Variants in ANTXR2 observed in about 807,000 individuals in gnomAD.
The protein encoded by ANTXR2 is ANTXR cell adhesion molecule 2.
In ANTXR2, 44 loss-of-function variants were observed where a neutral mutation model predicts 73.7. The observed-to-expected ratio is 0.60, with a 90% CI of 0.47 to 0.77. The LOEUF is 0.77. ANTXR2 is among the 30% of genes least tolerant of loss of function. The pLI, the probability that ANTXR2 is intolerant of heterozygous loss-of-function variation, is 0.00. For missense variants in ANTXR2, 604 were observed against 592.5 expected, an observed-to-expected ratio of 1.02 and a Z score of -0.20; for synonymous variants, 217 against 205.9, an observed-to-expected ratio of 1.05 and a Z score of -0.46.
chr4:79,992,707 T>A (rs1024474977), intron 12 of ANTXR2, among the ~76,000 whole-genome samples: 2 of 152,088 alleles, frequency 1.3e-5, no homozygotes, highest in Non-Finnish European at 2.9e-5. Flanking sequence ...TGAACTTGCA[T>A]GTCCAAAACA....
intron 16 of ANTXR2, among the ~76,000 whole-genome samples, chr4:79,957,459 C>G (rs1728933323): frequency 6.6e-6 from 1 of 151,972 alleles, no homozygotes; most frequent in South Asian, 2.1e-4. Context: ...ATCTCAAAGC[C>G]AAATTTGTGA....
chr4:80,064,117 T>C (rs1299949322), intron 3 of ANTXR2, among the ~76,000 whole-genome samples: 1 of 152,206 alleles, frequency 6.6e-6, no homozygotes, highest in Non-Finnish European at 1.5e-5. Flanking sequence ...TAGAAATGTG[T>C]ATATTGTCCA....
intron 16 of ANTXR2, among the ~76,000 whole-genome samples, chr4:79,936,125 T>G (rs867572613): frequency 6.6e-6 from 1 of 152,352 alleles, no homozygotes; most frequent in African/African-American, 2.4e-5. Context: ...TTCATAGTTC[T>G]CAATGCAGAG....
intron 16 of ANTXR2, among the ~76,000 whole-genome samples, chr4:79,953,904 T>C (rs1728797078): frequency 6.6e-6 from 1 of 152,146 alleles, no homozygotes. Flanking sequence ...AATAGTTCAC[T>C]AGTACTTCTC....
At chr4:80,056,198 C>A (rs1733987426) in intron 3 of ANTXR2, among the ~76,000 whole-genome samples, 185 bp from the exon 4 acceptor site, 1 of 151,870 alleles carries the variant, frequency 6.6e-6, no homozygotes, top group Admixed American at 6.6e-5. Context: ...TTAATAACTT[C>A]TGTATTTTAA....
intron 16 of ANTXR2, among the ~76,000 whole-genome samples, chr4:79,974,801 A>T (rs1729562356): frequency 6.6e-6 from 1 of 151,818 alleles, no homozygotes; most frequent in African/African-American, 2.4e-5. Flanking sequence ...AAGGAAGAAA[A>T]TCTTGGTCAA....
intron 3 of ANTXR2, among the ~76,000 whole-genome samples, chr4:80,059,163 T>C (rs1038028212): frequency 6.6e-6 from 1 of 152,056 alleles, no homozygotes; most frequent in Non-Finnish European, 1.5e-5. Flanking sequence ...GCAACACTAT[T>C]AATTTCTATG....
At chr4:79,950,582 A>G (rs1473172213) in intron 16 of ANTXR2, among the ~76,000 whole-genome samples, 3 of 152,214 alleles carry the variant, frequency 2.0e-5, no homozygotes, top group Non-Finnish European at 4.4e-5. Context: ...AAAGAATTGG[A>G]AAATAACATT....
chr4:80,056,087 G>T, intron 3 of ANTXR2, 74 bp from the exon 4 acceptor site: 2 of 1,038,486 alleles, frequency 1.9e-6, no homozygotes, highest in South Asian at 1.8e-5. Context: ...TAAAAAACAT[G>T]GCAGTATTGT....
At position 79,903,350 on chromosome 4, in the gene ANTXR2, TTCTC is replaced by T. The variant is rs58847709; in HGVS notation, c.*4075_*4078del. The T allele has an allele frequency of 0.14, 21,331 of 149,868 alleles. 2,592 individuals carry two copies. The highest frequency in any genetic ancestry group is 0.67 in the East Asian group (3,324 of 4,980). 9.3% of individuals were successfully genotyped at this position (149,868 alleles called of 1,614,324 possible). On this transcript the variant is annotated 3_prime_UTR_variant, in exon 17 of 17. Coordinates refer to ENST00000403729, the MANE Select transcript of ANTXR2 (RefSeq NM_058172.6). ...CACATTGAGTCAATTCTCCCTCTGT[TTCTC>T]TCTCTCTCTCTCTCTCTCACACACA...
intron 12 of ANTXR2, among the ~76,000 whole-genome samples, chr4:79,989,924 A>G (rs1401686443): frequency 6.6e-6 from 1 of 152,098 alleles, no homozygotes; most frequent in Admixed American, 6.6e-5. Flanking sequence ...TTTCAATAAA[A>G]TTCCACATCC....
At chr4:79,931,192 T>C (rs962727888) in intron 16 of ANTXR2, among the ~76,000 whole-genome samples, 2 of 152,228 alleles carry the variant, frequency 1.3e-5, no homozygotes. Flanking sequence ...TTTGCCAAAC[T>C]TGAAAATCTT....
chr4:80,062,200 T>C (rs2110115923), intron 3 of ANTXR2, among the ~76,000 whole-genome samples: 1 of 152,312 alleles, frequency 6.6e-6, no homozygotes, highest in South Asian at 2.1e-4. Flanking sequence ...CAGTCATAGA[T>C]CCAGAAATAT....
At chr4:79,986,073 A>C (rs1409315238) in intron 12 of ANTXR2, among the ~76,000 whole-genome samples, 1 of 151,806 alleles carries the variant, frequency 6.6e-6, no homozygotes, top group Non-Finnish European at 1.5e-5. Flanking sequence ...CAAATTCCTG[A>C]TCTCGGGTGA....
At position 79,971,791 on chromosome 4, in the gene ANTXR2, C is replaced by T. The variant is rs1486615169; in HGVS notation, c.1428+5830G>A. On this transcript the variant is annotated intron_variant, in intron 16 of 16. Coordinates refer to ENST00000403729, the MANE Select transcript of ANTXR2 (RefSeq NM_058172.6). ...ATTCAAGATGGATTAAAGATTTAAACGTTAAACCTAAAACCATAAAAACCC... is the reference window on the plus strand; with the variant it reads ...ATTCAAGATGGATTAAAGATTTAAATGTTAAACCTAAAACCATAAAAACCC... 5.9e-5 allele frequency among the ~76,000 whole-genome samples: 3 copies of T among 50,560 alleles called. 1 individual carries two copies. Among genetic ancestry groups the T allele is most frequent in the African/African-American group, 1.5e-4 (2 of 13,784 alleles). The allele number at this position is 50,560 out of a possible 152,430, so 33.2% of individuals were successfully genotyped here.
chr4:80,031,798 C>G (rs1162316558), intron 9 of ANTXR2, 106 bp from the exon 10 acceptor site: 2 of 542,492 alleles, frequency 3.7e-6, no homozygotes, highest in East Asian at 7.5e-5. Context: ...ATGTGGAATA[C>G]TAGATATATT....
chr4:80,041,842 C>T (rs896707119), intron 7 of ANTXR2, among the ~76,000 whole-genome samples: 6 of 152,032 alleles, frequency 3.9e-5, no homozygotes, highest in Middle Eastern at 3.2e-3. Flanking sequence ...TGTATATGTA[C>T]TACATTCTGT....
intron 16 of ANTXR2, among the ~76,000 whole-genome samples, chr4:79,936,343 T>C (rs1182456018): frequency 1.3e-5 from 2 of 149,918 alleles, no homozygotes; most frequent in Non-Finnish European, 2.9e-5. Flanking sequence ...TCATCAGAGC[T>C]TAGCTACTCT....
intron 7 of ANTXR2, among the ~76,000 whole-genome samples, chr4:80,046,268 T>C (rs1313396031): frequency 6.6e-6 from 1 of 151,770 alleles, no homozygotes; most frequent in African/African-American, 2.4e-5. Context: ...AAATAAATCA[T>C]ATTAGCAGTC....
Sources: gnomAD v4.1 joint callset for allele counts (sites outside exome capture counted in the v4.1 genomes callset) on GRCh38, gnomAD v4.1.1 for gene constraint, MANE v1.5 for transcripts, NCBI Gene and HGNC (gene_info 2026-07-23, HGNC 2026-07-21) for gene names.